BCAS4: variants seen among roughly 807,000 people sequenced by gnomAD.
BCAS4 encodes breast carcinoma-amplified sequence 4.
BCAS4 carries 9 observed loss-of-function variants against 15.7 expected under a neutral mutation model. That is an observed-to-expected ratio of 0.57 (90% CI 0.34 to 1.00). The LOEUF (loss-of-function observed/expected upper bound fraction) is 1.00, where lower values mean the gene tolerates loss of function less well. Ranked by LOEUF, BCAS4 falls within the 50% of genes least tolerant of loss-of-function variation. The probability of loss-of-function intolerance (pLI) is 0.02; values close to 1 mark genes in which losing one functional copy is unlikely to be tolerated. For synonymous variants in BCAS4, 101 were observed against 99.5 expected (o/e 1.02, Z -0.09); for missense variants, 225 against 239.1 (o/e 0.94, Z 0.39).
At chr20:50,862,495 A>G (rs928041407) in intron 4 of BCAS4, among the ~76,000 whole-genome samples, 1 of 151,922 alleles carries the variant, frequency 6.6e-6, no homozygotes, top group African/African-American at 2.4e-5. Flanking sequence ...TCGCAGGTGC[A>G]TGTGCAGGCC....
At chr20:50,875,768 C>T (rs150721113) in intron 4 of BCAS4, among the ~76,000 whole-genome samples, 92 of 150,870 alleles carry the variant, frequency 6.1e-4, no homozygotes, top group African/African-American at 2.1e-3. Flanking sequence ...GGTGACAGAG[C>T]GAGACTCCGT....
chr20:50,866,938 C>T (rs1049707976), intron 4 of BCAS4, among the ~76,000 whole-genome samples: 7 of 152,080 alleles, frequency 4.6e-5, no homozygotes, highest in African/African-American at 7.2e-5. Flanking sequence ...CATCGCGGGC[C>T]GGGCACTCTG....
intron 1 of BCAS4, among the ~76,000 whole-genome samples, chr20:50,811,692 G>A (rs1240111274): frequency 6.6e-6 from 1 of 152,090 alleles, no homozygotes; most frequent in East Asian, 1.9e-4. Flanking sequence ...GCACGATCTT[G>A]GCTTACTGCA....
At chr20:50,814,044 G>A (rs937775209) in intron 1 of BCAS4, among the ~76,000 whole-genome samples, 1 of 152,148 alleles carries the variant, frequency 6.6e-6, no homozygotes, top group Non-Finnish European at 1.5e-5. Context: ...CCACTTAGGG[G>A]ATAATCTTGA....
intron 2 of BCAS4, among the ~76,000 whole-genome samples, chr20:50,819,190 A>C (rs944737890): frequency 2.6e-5 from 4 of 152,028 alleles, no homozygotes; most frequent in Non-Finnish European, 5.9e-5. Flanking sequence ...CTCAAAAAAA[A>C]AAGAAAAGAA....
intron 1 of BCAS4, among the ~76,000 whole-genome samples, chr20:50,802,834 A>G (rs1367514948): frequency 6.6e-6 from 1 of 152,148 alleles, no homozygotes; most frequent in Non-Finnish European, 1.5e-5. Flanking sequence ...AGATTGTGCC[A>G]CTGCACTCCA....
chr20:50,845,422 C>T (rs112032572), intron 4 of BCAS4, among the ~76,000 whole-genome samples: 1,785 of 152,262 alleles, frequency 0.012, 51 homozygotes, highest in African/African-American at 0.041. Flanking sequence ...TGGACACCTC[C>T]TTTCCTTGAC....
chr20:50,850,109 C>T (rs1978334013), intron 4 of BCAS4, among the ~76,000 whole-genome samples: 1 of 152,226 alleles, frequency 6.6e-6, no homozygotes, highest in Non-Finnish European at 1.5e-5. Context: ...AGAGCGGCAT[C>T]TTCTCCACTT....
intron 4 of BCAS4, among the ~76,000 whole-genome samples, chr20:50,874,133 T>C (rs1979797968): frequency 6.6e-6 from 1 of 152,116 alleles, no homozygotes; most frequent in Non-Finnish European, 1.5e-5. Context: ...AGTGCAGACC[T>C]CATCACACAC....
At chr20:50,812,959 G>T (rs1193528954) in intron 1 of BCAS4, among the ~76,000 whole-genome samples, 2 of 152,056 alleles carry the variant, frequency 1.3e-5, no homozygotes, top group Non-Finnish European at 2.9e-5. Context: ...GGGAATACAG[G>T]CACATGCCAC....
chr20:50,807,474 A>G (rs1050716480), intron 1 of BCAS4, among the ~76,000 whole-genome samples: 15 of 152,240 alleles, frequency 9.9e-5, no homozygotes. Context: ...GATTACAGGC[A>G]TGGGCCACTG....
downstream of BCAS4, chr20:50,878,566 C>T (rs111250723): frequency 6.6e-6 from 1 of 152,072 alleles, no homozygotes; most frequent in Non-Finnish European, 1.5e-5. Flanking sequence ...TCATGGCTCC[C>T]TGAAACCTCA....
chr20:50,813,378 A>G (rs756342485), intron 1 of BCAS4, among the ~76,000 whole-genome samples: 1 of 152,168 alleles, frequency 6.6e-6, no homozygotes, highest in Non-Finnish European at 1.5e-5. Flanking sequence ...GACTGCACAG[A>G]GTAGATTGAA....
intron 4 of BCAS4, among the ~76,000 whole-genome samples, chr20:50,850,792 C>A (rs73127477): frequency 0.018 from 2,796 of 152,274 alleles, 73 homozygotes; most frequent in African/African-American, 0.064. Context: ...GTCTCCCCCC[C>A]GGTAGAGCAC....
intron 1 of BCAS4, 81 bp from the exon 2 acceptor site, chr20:50,818,129 CT>C (rs1461729381): frequency 4.5e-5 from 56 of 1,251,594 alleles, no homozygotes; most frequent in East Asian, 9.9e-5. Context: ...ACTTAGTTTG[CT>C]TTAAAAAAAA....
At chr20:50,814,178 C>T (rs887751464) in intron 1 of BCAS4, among the ~76,000 whole-genome samples, 22 of 152,154 alleles carry the variant, frequency 1.4e-4, no homozygotes, top group African/African-American at 4.6e-4. Context: ...AGCAAACTCT[C>T]GCTTTGATCC....
intron 4 of BCAS4, among the ~76,000 whole-genome samples, chr20:50,847,015 G>C (rs1284196140): frequency 6.6e-6 from 1 of 152,170 alleles, no homozygotes; most frequent in East Asian, 1.9e-4. Flanking sequence ...TTGCTTGCTA[G>C]AAAACTGTTT....
intron 4 of BCAS4, among the ~76,000 whole-genome samples, chr20:50,847,142 G>A (rs762555838): frequency 1.7e-4 from 25 of 149,648 alleles, no homozygotes; most frequent in African/African-American, 5.6e-4. Context: ...AAAGCCAGCC[G>A]GTAGAGTGAT....
At chr20:50,805,826 T>G (rs1285021574) in intron 1 of BCAS4, among the ~76,000 whole-genome samples, 1 of 151,976 alleles carries the variant, frequency 6.6e-6, no homozygotes, top group African/African-American at 2.4e-5. Flanking sequence ...AATACAAAAC[T>G]TAGCCAGGCG....
Sources: gnomAD v4.1 joint callset for allele counts (sites outside exome capture counted in the v4.1 genomes callset) on GRCh38, gnomAD v4.1.1 for gene constraint, MANE v1.5 for transcripts, NCBI Gene and HGNC (gene_info 2026-07-23, HGNC 2026-07-21) for gene names.